Variants in PTCHD4 observed in about 807,000 individuals in gnomAD.
PTCHD4 encodes the protein patched domain-containing protein 4.
A neutral mutation model predicts 58.1 loss-of-function variants in PTCHD4; 33 were observed. That is an observed-to-expected ratio of 0.57 (90% CI 0.43 to 0.76). The LOEUF is 0.76. PTCHD4 is among the 30% of genes least tolerant of loss of function. The pLI is 0.00. For synonymous variants in PTCHD4, 478 were observed against 409.6 expected (o/e 1.17, Z -2.02); for missense variants, 1,058 against 1,027.1 (o/e 1.03, Z -0.41).
intron 3 of PTCHD4, among the ~76,000 whole-genome samples, chr6:48,053,862 A>G (rs1261837064): frequency 1.3e-5 from 2 of 152,156 alleles, no homozygotes; most frequent in East Asian, 1.9e-4. Context: ...GGAAAATGGT[A>G]CCGTGGTACC....
rs1050721661 is a variant in PTCHD4 at position 47,865,859 on chromosome 6, G to C, written c.*12444C>G. Among the ~76,000 whole-genome samples, 20 of 151,774 alleles carry C rather than the reference G, an allele frequency of 1.3e-4. No individual in the cohort carries two copies. Among genetic ancestry groups the C allele is most frequent in the African/African-American group, 4.6e-4 (19 of 41,372 alleles). ...AAATTCTGCAGCATGATGTTTGCAG[G>C]TCCTTATATGAAACTTTCTGGTTTG... is the stretch of plus-strand genomic sequence containing the variant. On this transcript the variant is annotated 3_prime_UTR_variant, in exon 5 of 5. Transcript: ENST00000339488.
chr6:48,105,007 A>G (rs1373731427), intron 1 of PTCHD4, among the ~76,000 whole-genome samples: 1 of 152,224 alleles, frequency 6.6e-6, no homozygotes, highest in Non-Finnish European at 1.5e-5. Flanking sequence ...ATAATGGGAG[A>G]CTTTAACAGC....
chr6:48,044,146 G>A (rs1463621419), intron 3 of PTCHD4, among the ~76,000 whole-genome samples: 1 of 151,698 alleles, frequency 6.6e-6, no homozygotes, highest in African/African-American at 2.4e-5. Flanking sequence ...TTTTGTACTT[G>A]CATCCTAAGG....
In PTCHD4 at chr6:48,111,106, A is replaced by AG. The variant is rs1208870094; in HGVS notation, c.-1028dup. 6.6e-6 allele frequency among the ~76,000 whole-genome samples: 1 copy of AG among 151,868 alleles called. No individual in the cohort carries two copies. Among genetic ancestry groups the AG allele is most frequent in the African/African-American group, 2.4e-5 (1 of 41,328 alleles). On this transcript the variant is annotated 5_prime_UTR_variant, in exon 1 of 5. An upstream open reading frame in the 5' UTR gains an earlier in-frame stop. Transcript: ENST00000339488. The stretch of plus-strand genomic sequence containing the variant: ...GGCAACAACAGAATTGGAGAGTGAG[A>AG]GGGGATTTCTTTTATTTCTTCTCTG...
chr6:47,982,767 A>T (rs914772475), intron 4 of PTCHD4, among the ~76,000 whole-genome samples: 3 of 152,174 alleles, frequency 2.0e-5, no homozygotes, highest in Non-Finnish European at 4.4e-5. Context: ...GATTAAAGGC[A>T]TGAGCCACCG....
chr6:48,020,108 C>T lies in PTCHD4; in HGVS notation c.418-10994G>A, dbSNP rs529414818. On this transcript the variant is annotated intron_variant, in intron 3 of 4. Coordinates refer to ENST00000339488, the MANE Select transcript of PTCHD4 (RefSeq NM_001384253.1). ...CTGGCAGTGAAAATTGTGAAATTTGCTTATTCCAAAGCTCTCTTTCGCTGC... is the reference window on the plus strand; with the variant it reads ...CTGGCAGTGAAAATTGTGAAATTTGTTTATTCCAAAGCTCTCTTTCGCTGC... 3.5e-4 allele frequency among the ~76,000 whole-genome samples: 53 copies of T among 152,136 alleles called. 1 individual carries two copies. Among genetic ancestry groups the T allele is most frequent in the Non-Finnish European group, 5.4e-4 (37 of 67,996 alleles).
At chr6:48,107,140 C>T (rs1765748194) in intron 1 of PTCHD4, among the ~76,000 whole-genome samples, 1 of 152,086 alleles carries the variant, frequency 6.6e-6, no homozygotes, top group South Asian at 2.1e-4. Context: ...CCCACATCAC[C>T]AAGTCAATCC....
intron 4 of PTCHD4, among the ~76,000 whole-genome samples, chr6:47,919,240 C>T (rs1054655521): frequency 3.3e-5 from 5 of 152,074 alleles, no homozygotes; most frequent in Non-Finnish European, 5.9e-5. Context: ...TATTTTAAGC[C>T]TGTGATATAT....
chr6:48,108,161 T>C (rs983219064), intron 1 of PTCHD4, among the ~76,000 whole-genome samples: 5 of 152,224 alleles, frequency 3.3e-5, no homozygotes, highest in Admixed American at 1.3e-4. Context: ...TGTACGTTTA[T>C]TGCAGCACTA....
At chr6:48,026,838 C>G (rs530831789) in intron 3 of PTCHD4, among the ~76,000 whole-genome samples, 1 of 151,694 alleles carries the variant, frequency 6.6e-6, no homozygotes, top group South Asian at 2.1e-4. Flanking sequence ...TTGGGGCAGA[C>G]GAAAATATTA....
At chr6:48,018,683 C>G (rs1324450064) in intron 3 of PTCHD4, among the ~76,000 whole-genome samples, 1 of 152,186 alleles carries the variant, frequency 6.6e-6, no homozygotes, top group African/African-American at 2.4e-5. Context: ...ATTCTCTCTA[C>G]CATTTGCTTA....
At chr6:47,979,679 T>C (rs1767810068) in intron 4 of PTCHD4, among the ~76,000 whole-genome samples, 1 of 152,102 alleles carries the variant, frequency 6.6e-6, no homozygotes, top group South Asian at 2.1e-4. Context: ...ATTCAATTAG[T>C]ACCTAATATC....
intron 4 of PTCHD4, among the ~76,000 whole-genome samples, chr6:47,896,569 C>A (rs1319544867): frequency 6.6e-6 from 1 of 152,144 alleles, no homozygotes; most frequent in Non-Finnish European, 1.5e-5. Flanking sequence ...AGTTAATCTT[C>A]CATGAAAATG....
At position 47,857,210 on chromosome 6, in the gene PTCHD4, G is replaced by A. The variant is rs1763327750; in HGVS notation, c.*21093C>T. ...GTTTTGTCCCAAAGTGCTGCTAACT[G>A]TGTGCTGGTGTATTGTGCTGCCTAT... is the stretch of plus-strand genomic sequence containing the variant. On this transcript the variant is annotated 3_prime_UTR_variant, in exon 5 of 5. Coordinates refer to ENST00000339488, the MANE Select transcript of PTCHD4 (RefSeq NM_001384253.1). Among the ~76,000 whole-genome samples the A allele has an allele frequency of 6.6e-6, 1 of 152,030 alleles. No homozygotes were observed. Among genetic ancestry groups the A allele is most frequent in the Non-Finnish European group, 1.5e-5 (1 of 67,976 alleles).
At chr6:48,108,580 T>C (rs1300520877) in intron 1 of PTCHD4, among the ~76,000 whole-genome samples, 1 of 152,018 alleles carries the variant, frequency 6.6e-6, no homozygotes, top group African/African-American at 2.4e-5. Context: ...TGTGCATATG[T>C]ATCCTAAAAT....
At chr6:47,910,831 TA>T (rs1765045742) in intron 4 of PTCHD4, among the ~76,000 whole-genome samples, 1 of 152,154 alleles carries the variant, frequency 6.6e-6, no homozygotes. Context: ...AAGAATATGT[TA>T]TAAACATTTT....
At chr6:48,046,691 T>G (rs332579) in intron 3 of PTCHD4, among the ~76,000 whole-genome samples, 88,748 of 151,596 alleles carry the variant, frequency 0.59, 26,157 homozygotes, top group East Asian at 0.72. Flanking sequence ...TGTTTAATAA[T>G]ACATATCTTG....
At chr6:47,925,181 A>ATATATG (rs1554157235) in intron 4 of PTCHD4, among the ~76,000 whole-genome samples, 2 of 146,852 alleles carry the variant, frequency 1.4e-5, no homozygotes, top group Non-Finnish European at 3.0e-5. Context: ...TATTATATAT[A>ATATATG]TGTGTGTGTG....
intron 4 of PTCHD4, among the ~76,000 whole-genome samples, chr6:47,925,553 C>T (rs764836907): frequency 4.6e-5 from 7 of 152,180 alleles, no homozygotes; most frequent in Non-Finnish European, 1.0e-4. Context: ...GAGGACCTGA[C>T]AGATTTCTTT....
Sources: gnomAD v4.1 joint callset for allele counts (sites outside exome capture counted in the v4.1 genomes callset) on GRCh38, gnomAD v4.1.1 for gene constraint, MANE v1.5 for transcripts, NCBI Gene and HGNC (gene_info 2026-07-23, HGNC 2026-07-21) for gene names.